Variants in RSBN1L observed in about 807,000 individuals in gnomAD.
RSBN1L encodes the protein round spermatid basic protein 1 like, also known as lysine-specific demethylase RSBN1L.
RSBN1L carries 30 observed loss-of-function variants against 67.7 expected under a neutral mutation model. The ratio of observed to expected loss-of-function variants is 0.44; its 90% CI spans 0.33 to 0.60. RSBN1L has a LOEUF of 0.60. Among genes scored for constraint, RSBN1L ranks in the 20% least tolerant of loss-of-function variants. The probability of loss-of-function intolerance (pLI) is 0.02; values close to 1 mark genes in which losing one functional copy is unlikely to be tolerated. For missense variants in RSBN1L, 992 were observed against 1,031.7 expected, an observed-to-expected ratio of 0.96 and a Z score of 0.53; for synonymous variants, 433 against 387.0, an observed-to-expected ratio of 1.12 and a Z score of -1.39.
chr7:77,699,290 C>G (rs948249661), intron 1 of RSBN1L, among the ~76,000 whole-genome samples: 1 of 152,168 alleles, frequency 6.6e-6, no homozygotes, highest in Non-Finnish European at 1.5e-5. Flanking sequence ...GGAAGAGATT[C>G]TCCCTCAACA....
At chr7:77,703,452 G>T (rs1036381175) in intron 1 of RSBN1L, among the ~76,000 whole-genome samples, 4 of 126,066 alleles carry the variant, frequency 3.2e-5, no homozygotes, top group African/African-American at 6.0e-5. Flanking sequence ...GAGTGTGTGT[G>T]TGTCTCTTTT....
At chr7:77,722,325 T>C (rs191686914) in intron 1 of RSBN1L, among the ~76,000 whole-genome samples, 1 of 152,058 alleles carries the variant, frequency 6.6e-6, no homozygotes, top group African/African-American at 2.4e-5. Context: ...GAGAGAGGAA[T>C]GCCTAGGAGA....
chr7:77,699,921 C>T (rs757221261), intron 1 of RSBN1L, among the ~76,000 whole-genome samples: 2 of 151,890 alleles, frequency 1.3e-5, no homozygotes, highest in African/African-American at 4.8e-5. Flanking sequence ...CTCAGCCTCC[C>T]GAGTGGCTGG....
In RSBN1L at chr7:77,768,696, A is replaced by G; in HGVS notation, c.1518A>G (p.Lys506=). ...TLPWGTLSSL[K]LQSRKDSDDG... ...CATGGGGGACGCTATCTAGTCTAAA[A>G]TTACAGAGTCGAAAAGATAGTGATG... The change falls in exon 5 of 8, where the codon AAA becomes AAG. Residue 506 remains lysine (K), a synonymous_variant. Transcript: ENST00000334955. 6.2e-7 allele frequency: 1 copy of G among 1,613,952 alleles called. No individual in the cohort carries two copies. The highest frequency in any genetic ancestry group is 8.5e-7 in the Non-Finnish European group (1 of 1,179,812).
intron 1 of RSBN1L, among the ~76,000 whole-genome samples, chr7:77,705,564 T>G (rs1790880849): frequency 7.4e-6 from 1 of 136,018 alleles, no homozygotes; most frequent in African/African-American, 2.9e-5. Flanking sequence ...CAGGCTGGAG[T>G]GCAGTGGCTC....
At chr7:77,715,893 A>G (rs1049559776) in intron 1 of RSBN1L, among the ~76,000 whole-genome samples, 6 of 152,194 alleles carry the variant, frequency 3.9e-5, no homozygotes, top group Non-Finnish European at 7.4e-5. Context: ...CTTATTTTCT[A>G]TATATATCTC....
At chr7:77,721,086 G>C (rs77624191) in intron 1 of RSBN1L, among the ~76,000 whole-genome samples, 7 of 151,898 alleles carry the variant, frequency 4.6e-5, no homozygotes, top group African/African-American at 1.7e-4. Flanking sequence ...TTTATGGCCC[G>C]CTTTGTGCTT....
chr7:77,771,878 C>T (rs1157714260), intron 5 of RSBN1L, among the ~76,000 whole-genome samples: 1 of 151,778 alleles, frequency 6.6e-6, no homozygotes, highest in Admixed American at 6.6e-5. Context: ...ATCTGAAAGT[C>T]TCTTCTCAGA....
rs1791107364 is a variant in RSBN1L, at chr7:77,720,788, CAG to C, written c.587-15619_587-15618del. 3.7e-5 allele frequency among the ~76,000 whole-genome samples: 4 copies of C among 108,330 alleles called. No homozygotes were observed. In the South Asian group the frequency reaches 1.2e-3, roughly 33 times the overall value. 71.1% of individuals were successfully genotyped at this position (108,330 alleles called of 152,430 possible). A position where few individuals can be genotyped will look rare whatever the true frequency, so the allele number is the denominator to read the frequency against. On this transcript the variant is annotated intron_variant, in intron 1 of 7. Transcript: ENST00000334955. ...CTTTTTTTTTTTTTTTTTTTTGAGACAGAGTCTCACTCTGTCACCCAGGCTCG... is the reference window on the plus strand; with the variant it reads ...CTTTTTTTTTTTTTTTTTTTTGAGACAGTCTCACTCTGTCACCCAGGCTCG...
chr7:77,697,757 A>T (rs1790759770), intron 1 of RSBN1L, among the ~76,000 whole-genome samples: 1 of 152,240 alleles, frequency 6.6e-6, no homozygotes, highest in Non-Finnish European at 1.5e-5. Context: ...AGCTTTGACG[A>T]TTTTTCGCCA....
intron 2 of RSBN1L, among the ~76,000 whole-genome samples, chr7:77,737,315 G>A (rs1035765462): frequency 3.3e-5 from 5 of 152,170 alleles, no homozygotes; most frequent in Non-Finnish European, 5.9e-5. Flanking sequence ...ATGAGAATAT[G>A]TTGACCTTGA....
At chr7:77,754,623 T>TC (rs1432610144) in intron 3 of RSBN1L, among the ~76,000 whole-genome samples, 9 of 152,210 alleles carry the variant, frequency 5.9e-5, no homozygotes, top group Non-Finnish European at 8.8e-5. Flanking sequence ...TATTTTGTAC[T>TC]CCATTTATCT....
chr7:77,714,086 C>T (rs1791012195), intron 1 of RSBN1L, among the ~76,000 whole-genome samples: 1 of 152,118 alleles, frequency 6.6e-6, no homozygotes, highest in Admixed American at 6.5e-5. Context: ...TAGATTTGCA[C>T]TTTTTTACAT....
intron 2 of RSBN1L, among the ~76,000 whole-genome samples, chr7:77,743,766 T>G (rs1303632079): frequency 6.6e-6 from 1 of 152,232 alleles, no homozygotes; most frequent in Non-Finnish European, 1.5e-5. Context: ...AGGAATGTCA[T>G]TAATCACACC....
intron 6 of RSBN1L, among the ~76,000 whole-genome samples, chr7:77,775,798 G>A (rs990021024): frequency 6.6e-6 from 1 of 152,134 alleles, no homozygotes; most frequent in African/African-American, 2.4e-5. Flanking sequence ...GCTCACAACT[G>A]TAATCTCAGC....
At chr7:77,774,853 G>A (rs1047442591) in intron 6 of RSBN1L, among the ~76,000 whole-genome samples, 20 of 152,124 alleles carry the variant, frequency 1.3e-4, no homozygotes, top group Non-Finnish European at 2.9e-4. Context: ...GCTTATTAGA[G>A]CCATTAAAAA....
intron 2 of RSBN1L, among the ~76,000 whole-genome samples, chr7:77,745,452 G>T (rs1018454067): frequency 6.6e-6 from 1 of 152,096 alleles, no homozygotes; most frequent in Admixed American, 6.5e-5. Flanking sequence ...TAATATAAAG[G>T]TTATTTGTTT....
intron 1 of RSBN1L, among the ~76,000 whole-genome samples, chr7:77,699,169 T>C (rs188222220): frequency 6.6e-6 from 1 of 152,318 alleles, no homozygotes; most frequent in East Asian, 1.9e-4. Context: ...CTCTTTTTAG[T>C]GTTGCCCTAA....
intron 1 of RSBN1L, among the ~76,000 whole-genome samples, chr7:77,721,486 A>G (rs953560088): frequency 2.6e-5 from 4 of 152,174 alleles, no homozygotes; most frequent in Non-Finnish European, 5.9e-5. Flanking sequence ...ATTATAGAAG[A>G]GGGAGGAGGA....
Sources: allele counts gnomAD v4.1 joint callset (sites outside exome capture counted in the v4.1 genomes callset), GRCh38; gene constraint gnomAD v4.1.1; transcripts MANE v1.5; gene names NCBI Gene and HGNC (gene_info 2026-07-23, HGNC 2026-07-21).